ZNF254: variants seen among roughly 807,000 people sequenced by gnomAD.
ZNF254 encodes zinc finger protein 254.
Under a neutral mutation model 12.4 loss-of-function variants are expected in ZNF254, and 10 were observed. The ratio of observed to expected loss-of-function variants is 0.80; its 90% CI spans 0.50 to 1.36. The LOEUF (loss-of-function observed/expected upper bound fraction) is 1.36. ZNF254 is among the 40% of genes most tolerant of loss of function. ZNF254 has a pLI of 0.00. For synonymous variants in ZNF254, 305 were observed against 253.4 expected, an observed-to-expected ratio of 1.20 and a Z score of -1.93; for missense variants, 996 against 763.9, an observed-to-expected ratio of 1.30 and a Z score of -3.58.
intron 3 of ZNF254, among the ~76,000 whole-genome samples, chr19:24,110,787 T>C (rs552880652): frequency 2.6e-4 from 39 of 152,248 alleles, no homozygotes; most frequent in South Asian, 6.2e-4. Context: ...ATAACATCCA[T>C]CATTTCATTA....
exon 1 of ZNF254, chr19:24,033,552 T>C: frequency 3.1e-6 from 1 of 324,278 alleles, no homozygotes; most frequent in Non-Finnish European, 6.1e-6. Flanking sequence ...CGGCCTCTGT[T>C]GCCCTGTGAT....
chr19:24,048,932 T>G (rs1486413730), intron 2 of ZNF254: 1 of 151,910 alleles, frequency 6.6e-6, no homozygotes, highest in Non-Finnish European at 1.5e-5. Flanking sequence ...TTTTTATTTT[T>G]GTAGAGATGG....
intron 1 of ZNF254, among the ~76,000 whole-genome samples, chr19:24,039,368 C>A (rs1025507449): frequency 1.2e-4 from 18 of 152,192 alleles, no homozygotes; most frequent in Admixed American, 2.0e-4. Flanking sequence ...ATGAATGCAA[C>A]CCCATCTCCT....
intron 2 of ZNF254, among the ~76,000 whole-genome samples, chr19:24,048,003 CTTTTTTTTTT>C (rs398034320): frequency 8.7e-5 from 6 of 68,810 alleles, no homozygotes; most frequent in African/African-American, 1.2e-4. Flanking sequence ...TTCTTTTCTT[CTTTTTTTTTT>C]TTTTTTTTTT....
chr19:24,125,233 T>G (rs970472261), intron 3 of ZNF254, among the ~76,000 whole-genome samples: 2 of 151,514 alleles, frequency 1.3e-5, no homozygotes, highest in Non-Finnish European at 1.5e-5. Context: ...TTTTTTTTTT[T>G]TTTTACTTTT....
At chr19:24,102,522 A>G (rs922137587) in intron 1 of ZNF254, among the ~76,000 whole-genome samples, 5 of 151,958 alleles carry the variant, frequency 3.3e-5, no homozygotes, top group Non-Finnish European at 7.4e-5. Flanking sequence ...CCCTTTTTGA[A>G]GGCCTTATTT....
chr19:24,111,717 T>A (rs1452985428), intron 3 of ZNF254, among the ~76,000 whole-genome samples: 1 of 149,888 alleles, frequency 6.7e-6, no homozygotes, highest in Non-Finnish European at 1.5e-5. Flanking sequence ...TGATGAGCAT[T>A]TTTTCATGTG....
intron 1 of ZNF254, among the ~76,000 whole-genome samples, chr19:24,042,162 C>T (rs1168898747): frequency 6.6e-6 from 1 of 151,958 alleles, no homozygotes; most frequent in African/African-American, 2.4e-5. Flanking sequence ...CACCAGTCGA[C>T]ACTCTGTATC....
At chr19:24,049,204 ATATATATATAT>A (rs200612632) in intron 2 of ZNF254, among the ~76,000 whole-genome samples, 8,653 of 74,522 alleles carry the variant, frequency 0.12, 454 homozygotes, top group Non-Finnish European at 0.13. Flanking sequence ...ATATATATAT[ATATATATATAT>A]TTTTTTTTTT....
intron 2 of ZNF254, among the ~76,000 whole-genome samples, chr19:24,046,620 A>AG (rs920414618): frequency 6.6e-6 from 1 of 152,050 alleles, no homozygotes; most frequent in African/African-American, 2.4e-5. Context: ...GTGGGCTGAA[A>AG]GAAACCACAG....
At chr19:24,117,012 T>G (rs1365966724) in intron 3 of ZNF254, among the ~76,000 whole-genome samples, 1 of 152,118 alleles carries the variant, frequency 6.6e-6, no homozygotes, top group Admixed American at 6.6e-5. Flanking sequence ...AACAGCTGAT[T>G]TTCGTGAACC....
At chr19:24,123,414 G>C (rs1458922545) in intron 3 of ZNF254, among the ~76,000 whole-genome samples, 1 of 152,102 alleles carries the variant, frequency 6.6e-6, no homozygotes, top group Admixed American at 6.6e-5. Flanking sequence ...ACTCTGTTTG[G>C]AATAATTGTT....
chr19:24,063,399 G>C (rs1397874080), intron 2 of ZNF254, among the ~76,000 whole-genome samples: 1 of 152,190 alleles, frequency 6.6e-6, no homozygotes, highest in Non-Finnish European at 1.5e-5. Context: ...AGCGCACAGT[G>C]GTCATTGTGA....
chr19:24,093,417 A>G (rs1418493957), intron 1 of ZNF254, among the ~76,000 whole-genome samples: 6 of 152,090 alleles, frequency 3.9e-5, no homozygotes, highest in Non-Finnish European at 5.9e-5. Flanking sequence ...AGGGTTTTTT[A>G]TAATGTTAAA....
chr19:24,090,211 A>G (rs1972289193), intron 1 of ZNF254, among the ~76,000 whole-genome samples: 1 of 151,854 alleles, frequency 6.6e-6, no homozygotes, highest in African/African-American at 2.4e-5. Context: ...AACAAAAACA[A>G]ACCGCAAAAA....
intron 1 of ZNF254, among the ~76,000 whole-genome samples, chr19:24,042,754 G>A (rs1283381697): frequency 2.0e-5 from 3 of 152,160 alleles, no homozygotes; most frequent in Admixed American, 6.6e-5. Context: ...ATTCAGATTA[G>A]TATTTACTTT....
At position 24,041,633 on chromosome 19, in the gene ZNF254, C is replaced by G. The variant is rs1296228456; in HGVS notation, c.-189-4551C>G. Among the ~76,000 whole-genome samples, 5 of 152,226 alleles carry G rather than the reference C, an allele frequency of 3.3e-5. No individual in the cohort carries two copies. The East Asian group carries it at 9.6e-4, about 29-fold the overall frequency. Reference sequence around the variant, plus strand: ...GGCTCCTGTGCGGCCCGAGCCTCCCCGACGAGCACCACCCCCTGCTCCACG... The same window carrying G: ...GGCTCCTGTGCGGCCCGAGCCTCCCGGACGAGCACCACCCCCTGCTCCACG... On this transcript the variant is annotated intron_variant, in intron 1 of 4. Coordinates refer to the ZNF254 transcript ENST00000613065.
intron 3 of ZNF254, among the ~76,000 whole-genome samples, chr19:24,109,964 G>A (rs1973568690): frequency 1.3e-5 from 2 of 151,484 alleles, no homozygotes; most frequent in African/African-American, 4.9e-5. Context: ...CCTGACCTTG[G>A]GTGATCTGCT....
chr19:24,039,611 T>C (rs1245051369), intron 1 of ZNF254, among the ~76,000 whole-genome samples: 2 of 152,158 alleles, frequency 1.3e-5, no homozygotes, highest in Non-Finnish European at 2.9e-5. Flanking sequence ...GTAGGAGGTC[T>C]GGAGGCTCAA....
Sources: gnomAD v4.1 joint callset for allele counts (sites outside exome capture counted in the v4.1 genomes callset) on GRCh38, gnomAD v4.1.1 for gene constraint, MANE v1.5 for transcripts, NCBI Gene and HGNC (gene_info 2026-07-23, HGNC 2026-07-21) for gene names.